LRRC8B: variants seen among roughly 807,000 people sequenced by gnomAD.
LRRC8B encodes the protein leucine rich repeat containing 8 VRAC subunit B.
In LRRC8B, 23 loss-of-function variants were observed where a neutral mutation model predicts 58.8. The observed-to-expected ratio is 0.39, with a 90% CI of 0.28 to 0.55. LRRC8B has a LOEUF of 0.55. LRRC8B is among the 20% of genes least tolerant of loss of function. The pLI is 0.62. For missense variants in LRRC8B, 694 were observed against 936.0 expected (o/e 0.74, Z 3.37); for synonymous variants, 359 against 374.1 (o/e 0.96, Z 0.47).
intron 3 of LRRC8B, among the ~76,000 whole-genome samples, chr1:89,576,182 C>T (rs1370932638): frequency 6.6e-6 from 1 of 152,182 alleles, no homozygotes; most frequent in Non-Finnish European, 1.5e-5. Flanking sequence ...CTCTCCATAG[C>T]TCAGTGATTC....
At chr1:89,530,374 A>AAAT (rs1418019694) in intron 1 of LRRC8B, among the ~76,000 whole-genome samples, 8 of 128,186 alleles carry the variant, frequency 6.2e-5, no homozygotes, top group African/African-American at 1.7e-4. Flanking sequence ...ATAAATAAAT[A>AAAT]AATAAATAAT....
intron 1 of LRRC8B, among the ~76,000 whole-genome samples, chr1:89,551,143 T>A (rs1259560794): frequency 6.6e-6 from 1 of 152,060 alleles, no homozygotes; most frequent in East Asian, 1.9e-4. Flanking sequence ...ACTACCCCGC[T>A]GGAGATTTTT....
rs1053669897 is a variant in LRRC8B, at chr1:89,596,059, T to G, written c.*3016T>G. 3 of 152,052 alleles carry G rather than the reference T, an allele frequency of 2.0e-5. No homozygotes were observed. Among genetic ancestry groups the G allele is most frequent in the Non-Finnish European group, 2.9e-5 (2 of 67,938 alleles). 9.4% of individuals were successfully genotyped at this position (152,052 alleles called of 1,614,324 possible). A position where few individuals can be genotyped will look rare whatever the true frequency, so the allele number is the denominator to read the frequency against. On this transcript the variant is annotated 3_prime_UTR_variant, in exon 6 of 6. Coordinates refer to ENST00000330947, the MANE Select transcript of LRRC8B (RefSeq NM_001369817.2). The stretch of plus-strand genomic sequence containing the variant: ...ATTAGTTTTTGATATATCTAGTGGT[T>G]TTTTTTTCAAAATTGCAGGAGGTTG...
intron 3 of LRRC8B, among the ~76,000 whole-genome samples, chr1:89,572,811 T>C (rs1367450654): frequency 6.6e-6 from 1 of 152,204 alleles, no homozygotes; most frequent in Non-Finnish European, 1.5e-5. Flanking sequence ...TATGCTTGTG[T>C]TAATATTACA....
chr1:89,541,583 C>A (rs1338243362), intron 1 of LRRC8B, among the ~76,000 whole-genome samples: 1 of 149,182 alleles, frequency 6.7e-6, no homozygotes, highest in African/African-American at 2.5e-5. Flanking sequence ...TAGTGGCGGG[C>A]GCCTGTAGTC....
intron 3 of LRRC8B, 35 bp from the exon 4 acceptor site, chr1:89,579,556 T>G (rs1654078101): frequency 1.3e-5 from 2 of 152,670 alleles, no homozygotes; most frequent in Non-Finnish European, 2.9e-5. Flanking sequence ...TTTGAATGAC[T>G]GTAGCTATTT....
rs1325255152 is a variant in LRRC8B, at chr1:89,592,767, C to A, written c.2140-4C>A. 1 of 1,604,344 alleles carries A rather than the reference C, an allele frequency of 6.2e-7. No homozygotes were observed. Among genetic ancestry groups the A allele is most frequent in the South Asian group, 1.1e-5 (1 of 90,038 alleles). ...TACCAGCTTCTTTTTTCTTCCCTTT[C>A]CAGATTGAGATGCTACCAGATGGGC... On this transcript the variant is annotated splice_region_variant and splice_polypyrimidine_tract_variant and intron_variant, in intron 5 of 5. Coordinates refer to ENST00000330947, the MANE Select transcript of LRRC8B (RefSeq NM_001369817.2).
At chr1:89,578,816 C>T (rs1404476876) in intron 3 of LRRC8B, among the ~76,000 whole-genome samples, 2 of 152,064 alleles carry the variant, frequency 1.3e-5, no homozygotes, top group Non-Finnish European at 2.9e-5. Context: ...TAGCATTTTA[C>T]AATTTTCTCA....
chr1:89,538,815 G>C (rs1280465542), intron 1 of LRRC8B, among the ~76,000 whole-genome samples: 1 of 152,028 alleles, frequency 6.6e-6, no homozygotes, highest in Non-Finnish European at 1.5e-5. Context: ...CCACCTACCG[G>C]GTTCAAGCGA....
Position 89,592,804 on chromosome 1 carries a change from A to G in LRRC8B, c.2173A>G (p.Lys725Glu). Residue 725 changes from lysine (K) to glutamate (E), a missense_variant, in exon 6 of 6, where the codon AAA becomes GAA. By Grantham distance (56) the Lys-to-Glu change is moderately conservative. This residue lies in a region of LRRC8B where 139 missense variants were observed against 158.2 expected (regional missense o/e 0.88). Transcript: ENST00000330947. The part of the protein sequence containing the change: ...EMLPDGLFQC[K>E]KLQCLLLGKN... The stretch of plus-strand genomic sequence containing the variant: ...GCTACCAGATGGGCTGTTTCAGTGC[A>G]AAAAGCTGCAGTGTTTACTTTTGGG... 1 of 1,613,970 alleles carries G rather than the reference A, an allele frequency of 6.2e-7. No individual in the cohort carries two copies. Among genetic ancestry groups the G allele is most frequent in the Non-Finnish European group, 8.5e-7 (1 of 1,179,982 alleles).
At position 89,576,002 on chromosome 1, in the gene LRRC8B, A is replaced by G. The variant is rs538546453; in HGVS notation, c.-124-3589A>G. ...ACATGTTTTAAAGTACACATTAAAC[A>G]AAAGAAAACTGCTTTTCAATTACTA... On this transcript the variant is annotated intron_variant, in intron 3 of 5. Coordinates refer to ENST00000330947, the MANE Select transcript of LRRC8B (RefSeq NM_001369817.2). 1.1e-3 allele frequency among the ~76,000 whole-genome samples: 160 copies of G among 152,372 alleles called. 1 individual carries two copies. Among genetic ancestry groups the G allele is most frequent in the Admixed American group, 1.6e-3 (25 of 15,308 alleles).
At chr1:89,571,939 A>T (rs1052883572) in intron 3 of LRRC8B, among the ~76,000 whole-genome samples, 1 of 152,034 alleles carries the variant, frequency 6.6e-6, no homozygotes, top group African/African-American at 2.4e-5. Context: ...TTCAGTGCTG[A>T]GTTTAGGTCC....
At chr1:89,566,890 AAAG>A (rs1399604419) in intron 1 of LRRC8B, among the ~76,000 whole-genome samples, 6 of 152,202 alleles carry the variant, frequency 3.9e-5, no homozygotes, top group African/African-American at 9.7e-5. Context: ...CTTATTTGAG[AAAG>A]AAGAGAATTC....
In LRRC8B at chr1:89,583,057, G is replaced by A; in HGVS notation, c.407G>A (p.Ser136Asn). 4 of 1,614,148 alleles carry A rather than the reference G, an allele frequency of 2.5e-6. No homozygotes were observed. The highest frequency in any genetic ancestry group is 3.4e-6 in the Non-Finnish European group (4 of 1,180,034). The change falls in exon 5 of 6, where the codon AGC (serine) becomes AAC (asparagine). Residue 136 changes from serine to asparagine, a missense_variant. Physicochemically the swap from Ser to Asn is conservative, Grantham distance 46 (BLOSUM62 1). This residue lies in a region of LRRC8B where 316 missense variants were observed against 403.8 expected (regional missense o/e 0.78). Coordinates refer to ENST00000330947, the MANE Select transcript of LRRC8B (RefSeq NM_001369817.2). The surrounding 1 kb of genome is among the most constrained non-coding windows in gnomAD (Gnocchi z 5.2). ...CACACGCTCATCTTTGCAGCCTGCA[G>A]CAACTTTTGGCTTCACTACCCCAGT... ...LLHTLIFAAC[S>N]NFWLHYPSTS...
At chr1:89,577,515 A>T (rs906117041) in intron 3 of LRRC8B, among the ~76,000 whole-genome samples, 5 of 152,198 alleles carry the variant, frequency 3.3e-5, no homozygotes, top group Admixed American at 1.3e-4. Flanking sequence ...ATTTGGATTG[A>T]ATCATCATTG....
At chr1:89,542,082 G>A (rs1651040538) in intron 1 of LRRC8B, among the ~76,000 whole-genome samples, 2 of 152,082 alleles carry the variant, frequency 1.3e-5, no homozygotes, top group Admixed American at 1.3e-4. Flanking sequence ...CAAACCCAAG[G>A]CTACTCTCGT....
chr1:89,583,411 T>C lies in LRRC8B; in HGVS notation c.761T>C (p.Ile254Thr), dbSNP rs769638599. ...FRMHVEQKDI[I>T]YRVYLKQIIV... is the part of the protein sequence containing the mutation. ...ATGCATGTGGAGCAGAAGGACATCA[T>C]TTATAGAGTATATCTGAAACAGATA... The change falls in exon 5 of 6, where the codon ATT becomes ACT. Residue 254 changes from isoleucine to threonine, a missense_variant. Physicochemically the swap from Ile to Thr is moderately conservative, Grantham distance 89. Around this residue, in one of 5 missense-constraint regions of LRRC8B, gnomAD observed 316 missense variants for 403.8 expected, o/e 0.78. Transcript: ENST00000330947. The surrounding 1 kb of genome is among the most constrained non-coding windows in gnomAD (Gnocchi z 5.2). The C allele has an allele frequency of 6.2e-7, 1 of 1,614,072 alleles. No homozygotes were observed. The highest frequency in any genetic ancestry group is 1.3e-5 in the African/African-American group (1 of 74,938).
At chr1:89,559,997 G>C (rs1652498435) in intron 1 of LRRC8B, among the ~76,000 whole-genome samples, 1 of 152,122 alleles carries the variant, frequency 6.6e-6, no homozygotes, top group Admixed American at 6.5e-5. Context: ...ATATTCCCTA[G>C]CTCCAATCAC....
intron 1 of LRRC8B, among the ~76,000 whole-genome samples, chr1:89,528,636 C>G (rs559810763): frequency 6.6e-6 from 1 of 152,312 alleles, no homozygotes; most frequent in African/African-American, 2.4e-5. Flanking sequence ...GTTTCTCTTT[C>G]ACATTAAACA....
Sources: gnomAD v4.1 joint callset for allele counts (sites outside exome capture counted in the v4.1 genomes callset) on GRCh38, gnomAD v4.1.1 for gene constraint, gnomAD v4.1.1 regional missense constraint, Gnocchi (gnomAD v3.1) non-coding constraint, MANE v1.5 for transcripts, NCBI Gene and HGNC (gene_info 2026-07-23, HGNC 2026-07-21) for gene names.